The following UBN1 variants were observed in gnomAD, a reference collection of about 807,000 sequenced individuals.
UBN1 encodes ubinuclein 1, also known as ubinuclein-1.
In UBN1, 17 loss-of-function variants were observed where a neutral mutation model predicts 108.5. The observed-to-expected ratio is 0.16, with a 90% CI of 0.11 to 0.24. The LOEUF (loss-of-function observed/expected upper bound fraction) is 0.24, where lower values mean the gene tolerates loss of function less well. UBN1 is among the 10% of genes least tolerant of loss of function. The probability of loss-of-function intolerance (pLI) is 1.00; values close to 1 mark genes in which losing one functional copy is unlikely to be tolerated. For synonymous variants in UBN1, 726 were observed against 564.2 expected, an observed-to-expected ratio of 1.29 and a Z score of -4.07; for missense variants, 1,595 against 1,394.4, an observed-to-expected ratio of 1.14 and a Z score of -2.29.
intron 2 of UBN1, among the ~76,000 whole-genome samples, chr16:4,856,303 G>T (rs1196207639): frequency 1.3e-5 from 2 of 152,208 alleles, no homozygotes; most frequent in South Asian, 2.1e-4. Context: ...AGAGGATTCA[G>T]TCCTGGACTT....
Position 4,874,842 on chromosome 16 carries a change from C to T in UBN1, c.2432C>T (p.Thr811Ile), listed in dbSNP as rs759588292. 1.6e-5 allele frequency: 26 copies of T among 1,613,974 alleles called. No individual in the cohort carries two copies. Among genetic ancestry groups the T allele is most frequent in the Non-Finnish European group, 2.0e-5 (24 of 1,180,056 alleles). The change falls in exon 15 of 18, where the codon ACT (threonine) becomes ATT (isoleucine). Residue 811 changes from threonine (T) to isoleucine (I), a missense_variant. Physicochemically the swap from Thr to Ile is moderately conservative, Grantham distance 89. Around this residue, in one of 3 missense-constraint regions of UBN1, gnomAD observed 1,398 missense variants for 1,194.7 expected, o/e 1.17. Coordinates refer to ENST00000262376, the MANE Select transcript of UBN1 (RefSeq NM_001079514.3). ...GPQVKVFHAG[T>I]QQQKNFTPPS... Reference sequence around the variant, plus strand: ...CAGGTCAAAGTCTTTCATGCCGGCACTCAGCAGCAGAAAAACTTCACGCCC... The same window carrying T: ...CAGGTCAAAGTCTTTCATGCCGGCATTCAGCAGCAGAAAAACTTCACGCCC...
Position 4,872,918 on chromosome 16 carries a change from C to T in UBN1, c.1741C>T (p.His581Tyr). The T allele has an allele frequency of 6.2e-7, 1 of 1,614,224 alleles. No individual in the cohort carries two copies. Among genetic ancestry groups the T allele is most frequent in the Non-Finnish European group, 8.5e-7 (1 of 1,180,038 alleles). The change falls in exon 13 of 18, where the codon CAC (histidine) becomes TAC (tyrosine). Residue 581 changes from histidine (H) to tyrosine (Y), a missense_variant. Physicochemically the swap from His to Tyr is moderately conservative, Grantham distance 83. This residue lies in a region of UBN1 where 1,398 missense variants were observed against 1,194.7 expected (regional missense o/e 1.17). Transcript: ENST00000262376. The part of the protein sequence containing the change: ...LFKESRRGHG[H>Y]LTSILAKKKV... ...TAAGGAGAGCAGACGAGGCCATGGG[C>T]ACCTGACTTCAATCCTGTGAGTGTC...
chr16:4,874,023 G>C (rs2087761891), intron 14 of UBN1, among the ~76,000 whole-genome samples, 188 bp from the exon 15 acceptor site: 1 of 152,336 alleles, frequency 6.6e-6, no homozygotes. Context: ...ATACTCACCA[G>C]GGGTGATGAA....
chr16:4,878,120 C>T (rs1596533089), intron 17 of UBN1, among the ~76,000 whole-genome samples: 2 of 152,142 alleles, frequency 1.3e-5, no homozygotes, highest in Non-Finnish European at 2.9e-5. Flanking sequence ...CTTGAGGCTG[C>T]TCTGGTAGCA....
rs1596531565 is a variant in UBN1, at chr16:4,877,403, A to C, written c.3284A>C (p.His1095Pro). The C allele has an allele frequency of 1.2e-6, 2 of 1,610,662 alleles. No individual in the cohort carries two copies. The highest frequency in any genetic ancestry group is 1.3e-5 in the African/African-American group (1 of 74,750). The part of the protein sequence containing the change: ...GLGHSLLAGL[H>P]SSPPHAAPLP... ...CTCTCAGGTCTTCTGGCTGGCTTGC[A>C]CTCCAGCCCGCCCCATGCAGCGCCT... The change falls in exon 17 of 18, where the codon CAC (histidine) becomes CCC (proline). Residue 1095 changes from histidine to proline, a missense_variant. Around this residue, in one of 3 missense-constraint regions of UBN1, gnomAD observed 1,398 missense variants for 1,194.7 expected, o/e 1.17. Coordinates refer to ENST00000262376, the MANE Select transcript of UBN1 (RefSeq NM_001079514.3). The surrounding 1 kb of genome is among the most constrained non-coding windows in gnomAD (Gnocchi z 4.3).
At chr16:4,862,456 T>C (rs938299794) in intron 7 of UBN1, among the ~76,000 whole-genome samples, 7 of 152,260 alleles carry the variant, frequency 4.6e-5, no homozygotes, top group African/African-American at 1.4e-4. Context: ...TAGTATGACA[T>C]TGAGGTGGAA....
chr16:4,858,753 A>C, intron 4 of UBN1, 90 bp downstream of exon 4: 1 of 1,262,306 alleles, frequency 7.9e-7, no homozygotes, highest in Non-Finnish European at 1.1e-6. Flanking sequence ...GGGTCAGAGC[A>C]GTCGTGCCCT....
intron 14 of UBN1, 132 bp from the exon 15 acceptor site, chr16:4,874,079 C>A: frequency 1.7e-6 from 2 of 1,164,250 alleles, no homozygotes; most frequent in Non-Finnish European, 2.4e-6. Flanking sequence ...TGCTCTGTCC[C>A]ACCACTTGTC....
chr16:4,849,488 A>T (rs2086428377), intron 1 of UBN1, among the ~76,000 whole-genome samples: 1 of 152,194 alleles, frequency 6.6e-6, no homozygotes, highest in African/African-American at 2.4e-5. Flanking sequence ...ATATATATAT[A>T]TAGTAAGAAA....
At chr16:4,869,865 T>C (rs1359075309) in intron 8 of UBN1, among the ~76,000 whole-genome samples, 1 of 152,112 alleles carries the variant, frequency 6.6e-6, no homozygotes, top group Non-Finnish European at 1.5e-5. Flanking sequence ...CCGGGAAGTG[T>C]CTCCTTTGAA....
intron 2 of UBN1, among the ~76,000 whole-genome samples, chr16:4,855,245 G>T (rs1355688859): frequency 6.6e-6 from 1 of 152,172 alleles, no homozygotes; most frequent in Non-Finnish European, 1.5e-5. Context: ...TGATCAGTCG[G>T]TCTTATTCAC....
In UBN1 at chr16:4,868,855, A is replaced by C. The variant is rs769538541; in HGVS notation, c.1133A>C (p.Glu378Ala). 6.2e-7 allele frequency: 1 copy of C among 1,613,700 alleles called. No individual in the cohort carries two copies. Among genetic ancestry groups the C allele is most frequent in the Non-Finnish European group, 8.5e-7 (1 of 1,179,780 alleles). ...CAGGCTGCCAGAGCTGCTGAGGGGGAGAGCAGACAGAAGTTCTTCACCCAG... is the reference window on the plus strand; with the variant it reads ...CAGGCTGCCAGAGCTGCTGAGGGGGCGAGCAGACAGAAGTTCTTCACCCAG... ...LAQAARAAEGESRQKFFTQDI... is the reference protein window; with the variant it reads ...LAQAARAAEGASRQKFFTQDI... Residue 378 changes from glutamate (E) to alanine (A), a missense_variant, in exon 8 of 18, where the codon GAG becomes GCG. By Grantham distance (107) the Glu-to-Ala change is moderately radical (BLOSUM62 -1). This residue lies in a region of UBN1 where 1,398 missense variants were observed against 1,194.7 expected (regional missense o/e 1.17). Transcript: ENST00000262376.
At chr16:4,865,263 A>G (rs2087271668) in intron 7 of UBN1, among the ~76,000 whole-genome samples, 1 of 152,228 alleles carries the variant, frequency 6.6e-6, no homozygotes, top group African/African-American at 2.4e-5. Context: ...GATATTGTCT[A>G]TGCAATTCAA....
chr16:4,861,120 G>T lies in UBN1; in HGVS notation c.1110+18G>T, dbSNP rs1235008752. ...TGGCTCAGGTATGGTGGCACAGTGC[G>T]GCTGGGCTTTCCTGGAAGCAGTTTG... On this transcript the variant is annotated intron_variant, in intron 7 of 17. Coordinates refer to ENST00000262376, the MANE Select transcript of UBN1 (RefSeq NM_001079514.3). 1 of 1,599,732 alleles carries T rather than the reference G, an allele frequency of 6.3e-7. No individual in the cohort carries two copies. The highest frequency in any genetic ancestry group is 1.1e-5 in the South Asian group (1 of 89,636).
In UBN1 at chr16:4,859,020, T is replaced by G; in HGVS notation, c.433-5T>G. The G allele has an allele frequency of 6.2e-7, 1 of 1,611,438 alleles. No individual in the cohort carries two copies. Among genetic ancestry groups the G allele is most frequent in the East Asian group, 2.2e-5 (1 of 44,880 alleles). On this transcript the variant is annotated splice_region_variant and splice_polypyrimidine_tract_variant and intron_variant, in intron 4 of 17. Coordinates refer to ENST00000262376, the MANE Select transcript of UBN1 (RefSeq NM_001079514.3). ...TGGAGCTGACAGTTTGTTTCCCATC[T>G]TCAGTATGATGAGCTTGTTCCTGCT...
At chr16:4,875,510 G>A in intron 15 of UBN1, 76 bp downstream of exon 15, 1 of 1,526,990 alleles carries the variant, frequency 6.5e-7, no homozygotes, top group Non-Finnish European at 8.8e-7. Flanking sequence ...CCTTGCCCCG[G>A]GTGGAGAGTG....
In UBN1 at chr16:4,875,151, C is replaced by T; in HGVS notation, c.2741C>T (p.Ser914Phe). ...AGCTCAATCTCCAAACATGGGGTTT[C>T]TTCTGGCAGCTCTTCCTCGGGAGGA... ...FASSISKHGV[S>F]SGSSSSGGTP... Residue 914 changes from serine (S) to phenylalanine (F), a missense_variant, in exon 15 of 18, where the codon TCT becomes TTT. By Grantham distance (155) the Ser-to-Phe change is radical (BLOSUM62 -2). Transcript: ENST00000262376. 6.2e-7 allele frequency: 1 copy of T among 1,614,252 alleles called. No homozygotes were observed. Among genetic ancestry groups the T allele is most frequent in the Non-Finnish European group, 8.5e-7 (1 of 1,180,056 alleles).
At position 4,860,772 on chromosome 16, in the gene UBN1, A is replaced by C. The variant is rs17704385; in HGVS notation, c.780A>C (p.Lys260Asn). 1 of 1,614,154 alleles carries C rather than the reference A, an allele frequency of 6.2e-7. No homozygotes were observed. The highest frequency in any genetic ancestry group is 1.3e-5 in the African/African-American group (1 of 74,950). ...KKFQKEKEAQ[K>N]KREEEHKPVA... ...TTCAGAAAGAGAAAGAGGCTCAGAA[A>C]AAAAGGGAGGAGGAGCATAAGCCTG... The change falls in exon 7 of 18, where the codon AAA becomes AAC. Residue 260 changes from lysine (K) to asparagine (N), a missense_variant. Physicochemically the swap from Lys to Asn is moderately conservative, Grantham distance 94 (BLOSUM62 0). Around this residue, in one of 3 missense-constraint regions of UBN1, gnomAD observed 1,398 missense variants for 1,194.7 expected, o/e 1.17. Transcript: ENST00000262376.
chr16:4,879,450 TA>T (rs1422402374), intron 17 of UBN1, among the ~76,000 whole-genome samples: 12 of 152,198 alleles, frequency 7.9e-5, no homozygotes, highest in African/African-American at 1.9e-4. Flanking sequence ...ACCTCATCTC[TA>T]AAAAAATTTT....
Sources: gnomAD v4.1 joint callset for allele counts (sites outside exome capture counted in the v4.1 genomes callset) on GRCh38, gnomAD v4.1.1 for gene constraint, gnomAD v4.1.1 regional missense constraint, Gnocchi (gnomAD v3.1) non-coding constraint, MANE v1.5 for transcripts, NCBI Gene and HGNC (gene_info 2026-07-23, HGNC 2026-07-21) for gene names.